Variants in ANKRD36 observed in about 807,000 individuals in gnomAD.
The protein encoded by ANKRD36 is ankyrin repeat domain 36.
ANKRD36 carries 179 observed loss-of-function variants against 278.1 expected under a neutral mutation model. The observed-to-expected ratio is 0.64, with a 90% CI of 0.57 to 0.73. The LOEUF is 0.73. Ranked by LOEUF, ANKRD36 falls within the 30% of genes least tolerant of loss-of-function variation. The pLI is 0.00. For synonymous variants in ANKRD36, 320 were observed against 641.1 expected, an observed-to-expected ratio of 0.50 and a Z score of 7.57; for missense variants, 1,159 against 1,956.7, an observed-to-expected ratio of 0.59 and a Z score of 7.69.
intron 48 of ANKRD36, among the ~76,000 whole-genome samples, chr2:97,202,839 A>G (rs1218537970): frequency 6.6e-6 from 1 of 151,852 alleles, no homozygotes; most frequent in East Asian, 1.9e-4. Context: ...TCATTTTGCC[A>G]AAGAAGACGG....
intron 38 of ANKRD36, among the ~76,000 whole-genome samples, chr2:97,194,071 A>T (rs1196998284): frequency 6.6e-6 from 1 of 151,610 alleles, no homozygotes; most frequent in Non-Finnish European, 1.5e-5. Flanking sequence ...TGGTGGCAAG[A>T]TTGGATGAAG....
intron 34 of ANKRD36, 75 bp downstream of exon 34, chr2:97,189,365 C>T (rs2058068450): frequency 8.8e-6 from 3 of 339,556 alleles, no homozygotes; most frequent in South Asian, 1.7e-5. Context: ...AATAAATCAG[C>T]GGAGGGTGGG....
At chr2:97,190,851 T>C (rs949161615) in intron 34 of ANKRD36, 127 bp from the exon 35 acceptor site, 5 of 1,394,700 alleles carry the variant, frequency 3.6e-6, no homozygotes, top group Non-Finnish European at 4.9e-6. Context: ...AGAGACAAAG[T>C]AGAAGACATC....
intron 5 of ANKRD36, 89 bp from the exon 6 acceptor site, chr2:97,126,978 T>C: frequency 2.0e-6 from 1 of 501,406 alleles, no homozygotes; most frequent in Non-Finnish European, 3.4e-6. Context: ...ATCCTGATAT[T>C]GTTCAAGATA....
intron 10 of ANKRD36, among the ~76,000 whole-genome samples, chr2:97,145,265 T>C (rs1284977056): frequency 6.6e-6 from 1 of 152,076 alleles, no homozygotes; most frequent in Non-Finnish European, 1.5e-5. Flanking sequence ...CAGATGTGTT[T>C]AGAATGTTTG....
chr2:97,167,205 CTGA>C (rs1378629462), intron 20 of ANKRD36, among the ~76,000 whole-genome samples: 2 of 152,284 alleles, frequency 1.3e-5, no homozygotes, highest in African/African-American at 2.4e-5. Flanking sequence ...ATGTAGATAT[CTGA>C]ACTAATGAAC....
chr2:97,199,221 A>G (rs2060618313), intron 44 of ANKRD36, among the ~76,000 whole-genome samples: 1 of 151,898 alleles, frequency 6.6e-6, no homozygotes, highest in Non-Finnish European at 1.5e-5. Flanking sequence ...GAATATTTCC[A>G]TAAGAAATAT....
rs1452753463 is a variant in ANKRD36 at position 97,175,930 on chromosome 2, C to T, written c.1634-3808C>T. On this transcript the variant is annotated intron_variant, in intron 22 of 75. Transcript: ENST00000420699. ...GTTGTTCAGTTTCCATGTAGTTGAG[C>T]GGTTTTGAGTGAGATTCTTAATCCT... Among the ~76,000 whole-genome samples the T allele has an allele frequency of 4.0e-5, 6 of 151,772 alleles. No individual in the cohort carries two copies. In the East Asian group the frequency reaches 9.7e-4, roughly 25 times the overall value.
At chr2:97,176,754 A>T (rs1015618051) in intron 22 of ANKRD36, among the ~76,000 whole-genome samples, 6 of 151,634 alleles carry the variant, frequency 4.0e-5, no homozygotes, top group African/African-American at 9.7e-5. Context: ...GATTTTGCAG[A>T]GTCTGGTACC....
intron 15 of ANKRD36, among the ~76,000 whole-genome samples, chr2:97,156,910 A>G (rs1313928113): frequency 1.3e-5 from 2 of 151,766 alleles, no homozygotes; most frequent in African/African-American, 4.8e-5. Flanking sequence ...AATGATCACC[A>G]TTCTAACAGG....
intron 6 of ANKRD36, among the ~76,000 whole-genome samples, chr2:97,130,095 A>G (rs937363911): frequency 3.9e-5 from 6 of 151,930 alleles, no homozygotes; most frequent in African/African-American, 1.2e-4. Context: ...GATACTTCCT[A>G]CCTATGAGCC....
At position 97,123,625 on chromosome 2, in the gene ANKRD36, A is replaced by T. The variant is rs1258080582; in HGVS notation, c.593+632A>T. ...TGTGTAAGTAACATTATATATATAT[A>T]TATATATATATAATGTTAGAATGTC... On this transcript the variant is annotated intron_variant, in intron 4 of 75. Coordinates refer to ENST00000420699, the MANE Select transcript of ANKRD36 (RefSeq NM_001354587.1). Among the ~76,000 whole-genome samples, 3 of 40,764 alleles carry T rather than the reference A, an allele frequency of 7.4e-5. 1 individual carries two copies. Among genetic ancestry groups the T allele is most frequent in the South Asian group, 4.0e-4 (1 of 2,526 alleles). The allele number at this position is 40,764 out of a possible 152,430, so 26.7% of individuals were successfully genotyped here. A position where few individuals can be genotyped will look rare whatever the true frequency, so the allele number is the denominator to read the frequency against.
intron 5 of ANKRD36, among the ~76,000 whole-genome samples, chr2:97,125,712 T>C (rs886640988): frequency 6.6e-6 from 1 of 151,704 alleles, no homozygotes; most frequent in African/African-American, 2.4e-5. Flanking sequence ...TGATCTGTTA[T>C]CTATAATAAT....
intron 6 of ANKRD36, among the ~76,000 whole-genome samples, chr2:97,130,799 A>C (rs1204220727): frequency 1.3e-5 from 2 of 152,060 alleles, no homozygotes. Flanking sequence ...CCTAAAGAAA[A>C]TATTATTAGA....
chr2:97,187,235 A>G lies in ANKRD36; in HGVS notation c.2070+9A>G, dbSNP rs2057598148. On this transcript the variant is annotated intron_variant, in intron 31 of 75. Transcript: ENST00000420699. ...AACAACCAGCCTTGAAGGTAATTAA[A>G]CTCTCATTTATATTGTGAACTAGTA... is the stretch of plus-strand genomic sequence containing the variant. The G allele has an allele frequency of 6.2e-7, 1 of 1,609,484 alleles. No homozygotes were observed. The highest frequency in any genetic ancestry group is 8.5e-7 in the Non-Finnish European group (1 of 1,178,678).
At chr2:97,233,607 A>T (rs1046931008) in intron 67 of ANKRD36, 123 bp from the exon 68 acceptor site, 1 of 1,509,798 alleles carries the variant, frequency 6.6e-7, no homozygotes, top group Non-Finnish European at 8.8e-7. Context: ...TTAAAAAAAA[A>T]GTACGGAACA....
At chr2:97,188,066 C>CT (rs1327127138) in intron 32 of ANKRD36, among the ~76,000 whole-genome samples, 1 of 151,482 alleles carries the variant, frequency 6.6e-6, no homozygotes, top group African/African-American at 2.4e-5. Flanking sequence ...CTCATTACTC[C>CT]TTTTTGTTAC....
intron 62 of ANKRD36, chr2:97,216,739 G>A (rs1243363770): frequency 2.7e-6 from 1 of 369,138 alleles, no homozygotes; most frequent in East Asian, 7.6e-5. Context: ...CAGTTATGGG[G>A]CAAGTTAAAG....
At chr2:97,209,206 G>A (rs1298126749) in intron 54 of ANKRD36, among the ~76,000 whole-genome samples, 1 of 146,588 alleles carries the variant, frequency 6.8e-6, no homozygotes, top group Non-Finnish European at 1.5e-5. Context: ...CTTTCAACTG[G>A]AGTGTCATTG....
Sources: allele counts gnomAD v4.1 joint callset (sites outside exome capture counted in the v4.1 genomes callset), GRCh38; gene constraint gnomAD v4.1.1; transcripts MANE v1.5; gene names NCBI Gene and HGNC (gene_info 2026-07-23, HGNC 2026-07-21).